The following PARD3 variants were observed in gnomAD, a reference collection of about 807,000 sequenced individuals.
The protein encoded by PARD3 is par-3 family cell polarity regulator.
In PARD3, 75 loss-of-function variants were observed where a neutral mutation model predicts 155.4. The ratio of observed to expected loss-of-function variants is 0.48; its 90% confidence interval spans 0.40 to 0.58. PARD3 has a LOEUF of 0.58. Ranked by LOEUF, PARD3 falls within the 20% of genes least tolerant of loss-of-function variation. The probability of loss-of-function intolerance (pLI) is 0.00; values close to 1 mark genes in which losing one functional copy is unlikely to be tolerated. For missense variants in PARD3, 1,642 were observed against 1,721.7 expected (o/e 0.95, Z 0.82); for synonymous variants, 576 against 610.5 (o/e 0.94, Z 0.83).
chr10:34,422,703 C>T (rs2075381701), intron 5 of PARD3, among the ~76,000 whole-genome samples: 3 of 152,074 alleles, frequency 2.0e-5, no homozygotes, highest in Admixed American at 2.0e-4. Context: ...TACTAATCAT[C>T]AGGGAATTGC....
At chr10:34,329,517 G>C (rs1352828647) in intron 19 of PARD3, among the ~76,000 whole-genome samples, 2 of 152,112 alleles carry the variant, frequency 1.3e-5, no homozygotes, top group African/African-American at 4.8e-5. Context: ...TATGACTCAG[G>C]ATCTTGGAGA....
intron 13 of PARD3, 57 bp downstream of exon 13, chr10:34,360,014 A>G (rs376446743): frequency 7.6e-7 from 1 of 1,316,106 alleles, no homozygotes; most frequent in Admixed American, 1.8e-5. Context: ...AAATAGGAAC[A>G]GGGTTGAAAT....
chr10:34,211,175 T>A (rs1240465375), intron 22 of PARD3, among the ~76,000 whole-genome samples: 1 of 152,160 alleles, frequency 6.6e-6, no homozygotes, highest in African/African-American at 2.4e-5. Flanking sequence ...ATTCTTGCAT[T>A]TCTGTGAGGG....
intron 5 of PARD3, among the ~76,000 whole-genome samples, chr10:34,409,671 T>C (rs1374053261): frequency 1.3e-5 from 2 of 152,190 alleles, no homozygotes; most frequent in Non-Finnish European, 2.9e-5. Context: ...AGTGACCAAG[T>C]GGCCACCCTC....
At chr10:34,202,411 T>C (rs1201755488) in intron 22 of PARD3, among the ~76,000 whole-genome samples, 1 of 152,218 alleles carries the variant, frequency 6.6e-6, no homozygotes, top group East Asian at 1.9e-4. Context: ...TCATTACGTA[T>C]ACTTTCAACT....
intron 22 of PARD3, among the ~76,000 whole-genome samples, chr10:34,131,886 T>A (rs1469108346): frequency 1.3e-5 from 2 of 152,042 alleles, no homozygotes; most frequent in African/African-American, 2.4e-5. Context: ...GGCAGGGAAG[T>A]TTTTTTGGAA....
chr10:34,638,902 T>C (rs1022294892), intron 2 of PARD3, among the ~76,000 whole-genome samples: 1 of 152,186 alleles, frequency 6.6e-6, no homozygotes, highest in East Asian at 1.9e-4. Context: ...GTTCTCTCTC[T>C]GGGGAAATAA....
chr10:34,497,044 A>C (rs1281444934), intron 3 of PARD3, among the ~76,000 whole-genome samples: 1 of 152,176 alleles, frequency 6.6e-6, no homozygotes, highest in Non-Finnish European at 1.5e-5. Context: ...GTTAGAGCTG[A>C]TAGTTGAGCT....
intron 22 of PARD3, among the ~76,000 whole-genome samples, chr10:34,135,859 C>G (rs187818469): frequency 6.6e-6 from 1 of 152,164 alleles, no homozygotes; most frequent in Admixed American, 6.5e-5. Flanking sequence ...AGAACTTACA[C>G]GTATATGAAT....
chr10:34,304,572 G>A (rs1957310393), intron 20 of PARD3, among the ~76,000 whole-genome samples: 1 of 152,148 alleles, frequency 6.6e-6, no homozygotes, highest in Admixed American at 6.5e-5. Context: ...TACCCGGAAG[G>A]GTAAGACGGC....
At position 34,445,020 on chromosome 10, in the gene PARD3, T is replaced by C. The variant is rs1183231736; in HGVS notation, c.714+5297A>G. On this transcript the variant is annotated intron_variant, in intron 5 of 24. Transcript: ENST00000374788. Reference sequence around the variant, plus strand: ...CCACACGACTAAAGGAAGATGGCCATCAGTTCTACCCTGGTGTTCCCAAAT... The same window carrying C: ...CCACACGACTAAAGGAAGATGGCCACCAGTTCTACCCTGGTGTTCCCAAAT... 3.9e-5 allele frequency among the ~76,000 whole-genome samples: 6 copies of C among 152,050 alleles called. No homozygotes were observed. The East Asian group carries it at 1.2e-3, about 29-fold the overall frequency.
At chr10:34,135,138 T>A (rs1947823343) in intron 22 of PARD3, among the ~76,000 whole-genome samples, 1 of 152,008 alleles carries the variant, frequency 6.6e-6, no homozygotes, top group Admixed American at 6.6e-5. Flanking sequence ...GAGTCAGAAA[T>A]CCTAATTTAC....
intron 2 of PARD3, among the ~76,000 whole-genome samples, chr10:34,551,735 C>A (rs184986673): frequency 6.6e-6 from 1 of 152,162 alleles, no homozygotes; most frequent in African/African-American, 2.4e-5. Context: ...GTGTGATGGG[C>A]ACTGGGGGTG....
intron 2 of PARD3, among the ~76,000 whole-genome samples, chr10:34,633,657 C>T (rs2092361730): frequency 2.0e-5 from 3 of 152,124 alleles, no homozygotes; most frequent in Non-Finnish European, 2.9e-5. Flanking sequence ...GACATCTCTT[C>T]GACATATTGA....
At chr10:34,157,854 G>T (rs1371005910) in intron 22 of PARD3, among the ~76,000 whole-genome samples, 4 of 152,128 alleles carry the variant, frequency 2.6e-5, no homozygotes, top group Admixed American at 6.5e-5. Context: ...ATTAGAAAAA[G>T]AATTCTGTTT....
At position 34,568,675 on chromosome 10, in the gene PARD3, C is replaced by T. The variant is rs561224536; in HGVS notation, c.223-51516G>A. On this transcript the variant is annotated intron_variant, in intron 2 of 24. Transcript: ENST00000374788. ...TGACCTCCCCTGTTCTCAGACGCAG[C>T]GATTTCCAAGCTAAAGAACAGAGAT... Among the ~76,000 whole-genome samples, 4 of 152,244 alleles carry T rather than the reference C, an allele frequency of 2.6e-5. No homozygotes were observed. The South Asian group carries it at 8.3e-4, about 32-fold the overall frequency.
intron 19 of PARD3, among the ~76,000 whole-genome samples, chr10:34,318,226 A>C (rs901893982): frequency 3.9e-5 from 6 of 152,364 alleles, no homozygotes; most frequent in Admixed American, 3.3e-4. Context: ...AAAAGAGCTT[A>C]AACATTTCTC....
chr10:34,343,260 A>G, intron 15 of PARD3: 1 of 836,888 alleles, frequency 1.2e-6, no homozygotes, highest in African/African-American at 1.8e-5. Flanking sequence ...TAATTTATTA[A>G]AAGAAAATAT....
At chr10:34,669,932 A>G (rs1409881677) in intron 2 of PARD3, among the ~76,000 whole-genome samples, 1 of 152,238 alleles carries the variant, frequency 6.6e-6, no homozygotes, top group African/African-American at 2.4e-5. Context: ...TCTTTGACAA[A>G]GCTACACCTA....
Sources: gnomAD v4.1 joint callset for allele counts (sites outside exome capture counted in the v4.1 genomes callset) on GRCh38, gnomAD v4.1.1 for gene constraint, MANE v1.5 for transcripts, NCBI Gene and HGNC (gene_info 2026-07-23, HGNC 2026-07-21) for gene names.